The following SLC9C1 variants were observed in gnomAD, a reference collection of about 807,000 sequenced individuals.
SLC9C1 encodes the protein solute carrier family 9 member C1.
In SLC9C1, 97 loss-of-function variants were observed where a neutral mutation model predicts 140.9. The ratio of observed to expected loss-of-function variants is 0.69; its 90% CI spans 0.58 to 0.82. SLC9C1 has a LOEUF of 0.82. SLC9C1 is among the 40% of genes least tolerant of loss of function. The pLI is 0.00. For synonymous variants in SLC9C1, 440 were observed against 442.6 expected (o/e 0.99, Z 0.07); for missense variants, 1,340 against 1,389.3 (o/e 0.96, Z 0.56).
At chr3:112,146,742 T>A (rs1436887235) in intron 28 of SLC9C1, among the ~76,000 whole-genome samples, 1 of 152,196 alleles carries the variant, frequency 6.6e-6, no homozygotes, top group Non-Finnish European at 1.5e-5. Flanking sequence ...GTGGTCAATC[T>A]TGGAATATTT....
intron 10 of SLC9C1, among the ~76,000 whole-genome samples, chr3:112,258,955 C>A (rs57890482): frequency 2.6e-5 from 4 of 151,838 alleles, no homozygotes; most frequent in South Asian, 4.2e-4. Flanking sequence ...TTTTAAACAA[C>A]CAGATCTCAT....
intron 26 of SLC9C1, among the ~76,000 whole-genome samples, chr3:112,158,320 T>C (rs2075184444): frequency 6.6e-6 from 1 of 152,062 alleles, no homozygotes; most frequent in Non-Finnish European, 1.5e-5. Flanking sequence ...ATACATCACA[T>C]TTATTGATTT....
chr3:112,255,475 T>G (rs2079579367), intron 10 of SLC9C1, among the ~76,000 whole-genome samples: 1 of 152,108 alleles, frequency 6.6e-6, no homozygotes, highest in African/African-American at 2.4e-5. Context: ...ACCTGCTTCT[T>G]AATGAGTTTT....
intron 27 of SLC9C1, among the ~76,000 whole-genome samples, chr3:112,152,580 T>C (rs567725251): frequency 7.2e-5 from 11 of 152,094 alleles, no homozygotes; most frequent in African/African-American, 2.7e-4. Context: ...AGACCCTGTA[T>C]TGGTGTCAGG....
At chr3:112,189,639 TGTA>T (rs2077610630) in intron 20 of SLC9C1, among the ~76,000 whole-genome samples, 1 of 152,232 alleles carries the variant, frequency 6.6e-6, no homozygotes, top group Non-Finnish European at 1.5e-5. Context: ...ACTGTAGCCT[TGTA>T]GTATGGTTTG....
intron 17 of SLC9C1, 37 bp from the exon 18 acceptor site, chr3:112,202,436 C>G (rs757632084): frequency 1.9e-6 from 3 of 1,544,824 alleles, no homozygotes; most frequent in Non-Finnish European, 2.6e-6. Context: ...ATAAATTGCA[C>G]AAATATCATT....
intron 17 of SLC9C1, among the ~76,000 whole-genome samples, chr3:112,203,797 A>G (rs1246662932): frequency 6.6e-6 from 1 of 151,904 alleles, no homozygotes; most frequent in East Asian, 1.9e-4. Context: ...CTATAATACT[A>G]TATGTATTTT....
chr3:112,151,518 T>C, intron 28 of SLC9C1: 1 of 522,258 alleles, frequency 1.9e-6, no homozygotes. Flanking sequence ...AGAAGTGAAG[T>C]CATAACTTAT....
chr3:112,190,684 A>G (rs1447600396), intron 20 of SLC9C1, among the ~76,000 whole-genome samples: 1 of 152,048 alleles, frequency 6.6e-6, no homozygotes, highest in Non-Finnish European at 1.5e-5. Flanking sequence ...ATCTTTTCAA[A>G]CATTCATTGT....
intron 13 of SLC9C1, among the ~76,000 whole-genome samples, chr3:112,223,568 C>G (rs369318321): frequency 2.6e-5 from 4 of 151,542 alleles, no homozygotes; most frequent in South Asian, 2.1e-4. Context: ...GCTTATCAAA[C>G]AAATAAACAA....
rs184449905 is a variant in SLC9C1, at chr3:112,170,283, A to G, written c.2920-955T>C. ...CAAACTATGCGTCTGACAATGGACC[A>G]ATGTCCAGAATTTACAAGGAACTCG... On this transcript the variant is annotated intron_variant, in intron 23 of 28. Coordinates refer to ENST00000305815, the MANE Select transcript of SLC9C1 (RefSeq NM_183061.3). Among the ~76,000 whole-genome samples the G allele has an allele frequency of 4.3e-4, 66 of 152,338 alleles. No homozygotes were observed. The South Asian group carries it at 8.3e-3, about 19-fold the overall frequency.
intron 7 of SLC9C1, among the ~76,000 whole-genome samples, chr3:112,267,344 A>G (rs2079947127): frequency 6.6e-6 from 1 of 152,072 alleles, no homozygotes; most frequent in Non-Finnish European, 1.5e-5. Flanking sequence ...TGGGAGGCCA[A>G]GGCGGGTGGA....
Position 112,179,560 on chromosome 3 carries a change from A to C in SLC9C1, c.2890T>G (p.Tyr964Asp), listed in dbSNP as rs373849945. The C allele has an allele frequency of 4.4e-6, 7 of 1,606,224 alleles. No individual in the cohort carries two copies. The African/African-American group carries it at 9.4e-5, about 22-fold the overall frequency. The change falls in exon 23 of 29, where the codon TAT (tyrosine) becomes GAT (aspartate). Residue 964 changes from tyrosine (Y) to aspartate (D), a missense_variant. Physicochemically the swap from Tyr to Asp is radical, Grantham distance 160. Coordinates refer to ENST00000305815, the MANE Select transcript of SLC9C1 (RefSeq NM_183061.3). Reference sequence around the variant, plus strand: ...ACTACAGTTTTGCAGGTGGCAGAATATTTCATAGGTTCATTAGTTAAGCAG... The same window carrying C: ...ACTACAGTTTTGCAGGTGGCAGAATCTTTCATAGGTTCATTAGTTAAGCAG... Reference protein sequence around the residue: ...INCLTNEPMKYSATCKTVVET... With the variant: ...INCLTNEPMKDSATCKTVVET...
chr3:112,215,255 C>A (rs2078327031), intron 15 of SLC9C1, among the ~76,000 whole-genome samples: 1 of 152,190 alleles, frequency 6.6e-6, no homozygotes, highest in Non-Finnish European at 1.5e-5. Context: ...CAATATCATA[C>A]TGAATGGGCA....
intron 16 of SLC9C1, 22 bp downstream of exon 16, chr3:112,208,156 A>G: frequency 6.4e-7 from 1 of 1,552,372 alleles, no homozygotes; most frequent in Non-Finnish European, 8.7e-7. Context: ...ACACTTCCAT[A>G]CACACATAAA....
intron 3 of SLC9C1, 28 bp from the exon 4 acceptor site, chr3:112,278,885 T>C (rs1206284349): frequency 6.3e-7 from 1 of 1,575,104 alleles, no homozygotes; most frequent in East Asian, 2.4e-5. Flanking sequence ...TATCATCTTC[T>C]CATTTATTCA....
chr3:112,163,623 T>C (rs2075373184), intron 26 of SLC9C1, among the ~76,000 whole-genome samples: 2 of 151,928 alleles, frequency 1.3e-5, no homozygotes, highest in Non-Finnish European at 2.9e-5. Flanking sequence ...TTGATTGCAC[T>C]GTGGTCTGAG....
intron 20 of SLC9C1, among the ~76,000 whole-genome samples, chr3:112,183,098 A>G (rs571884306): frequency 1.3e-5 from 2 of 152,264 alleles, no homozygotes; most frequent in African/African-American, 4.8e-5. Flanking sequence ...TCTATTGAGT[A>G]TATGGTTATC....
At position 112,211,792 on chromosome 3, in the gene SLC9C1, C is replaced by T. The variant is rs146221943; in HGVS notation, c.1791-3419G>A. Among the ~76,000 whole-genome samples the T allele has an allele frequency of 5.9e-3, 905 of 152,300 alleles. 3 individuals are homozygous for T. The highest frequency in any genetic ancestry group is 8.8e-3 in the Non-Finnish European group (600 of 68,020). On this transcript the variant is annotated intron_variant, in intron 15 of 28. Coordinates refer to ENST00000305815, the MANE Select transcript of SLC9C1 (RefSeq NM_183061.3). ...TCCACCTCTGGGGGCAGGGCATAGC[C>T]GAACAAAAGGCAGCAGAAACCTCTG...
Sources: allele counts gnomAD v4.1 joint callset (sites outside exome capture counted in the v4.1 genomes callset), GRCh38; gene constraint gnomAD v4.1.1; transcripts MANE v1.5; gene names NCBI Gene and HGNC (gene_info 2026-07-23, HGNC 2026-07-21).